The following PCDH10 variants were observed in gnomAD, a reference collection of about 807,000 sequenced individuals.
PCDH10 encodes protocadherin-10.
Under a neutral mutation model 74.4 loss-of-function variants are expected in PCDH10, and 15 were observed. That is an observed-to-expected ratio of 0.20 (90% CI 0.13 to 0.31). The LOEUF is 0.31. Among genes scored for constraint, PCDH10 ranks in the 10% least tolerant of loss-of-function variants. The probability of loss-of-function intolerance (pLI) is 1.00; values close to 1 mark genes in which losing one functional copy is unlikely to be tolerated. For synonymous variants in PCDH10, 619 were observed against 589.8 expected (o/e 1.05, Z -0.72); for missense variants, 1,260 against 1,390.2 (o/e 0.91, Z 1.49).
chr4:133,183,997 C>T (rs1727474032), intron 4 of PCDH10, among the ~76,000 whole-genome samples: 2 of 151,944 alleles, frequency 1.3e-5, no homozygotes, highest in South Asian at 2.1e-4. Flanking sequence ...AATTTAATAA[C>T]TATTAATTGC....
chr4:133,170,033 T>C (rs1727170884), intron 4 of PCDH10, among the ~76,000 whole-genome samples: 1 of 152,060 alleles, frequency 6.6e-6, no homozygotes. Flanking sequence ...TGAGTTTCAA[T>C]AAGACTTCCT....
rs907998326 is a variant in PCDH10, at chr4:133,194,094, A to G, written c.*3934A>G. ...AGATTATAGCATTCTGTATGAATGC[A>G]GGTAGATGGGTGCCGCCAGAGTATT... is the stretch of plus-strand genomic sequence containing the variant. On this transcript the variant is annotated 3_prime_UTR_variant, in exon 5 of 5. Coordinates refer to ENST00000264360, the MANE Select transcript of PCDH10 (RefSeq NM_032961.3). 1 of 151,828 alleles carries G rather than the reference A, an allele frequency of 6.6e-6. No individual in the cohort carries two copies. Among genetic ancestry groups the G allele is most frequent in the Admixed American group, 6.6e-5 (1 of 15,216 alleles). 9.4% of individuals were successfully genotyped at this position (151,828 alleles called of 1,614,324 possible).
At chr4:133,181,458 C>T (rs72715799) in intron 4 of PCDH10, among the ~76,000 whole-genome samples, 21,205 of 151,816 alleles carry the variant, frequency 0.14, 1,769 homozygotes, top group Middle Eastern at 0.22. Flanking sequence ...AAGTAGATGC[C>T]CTGAGGACAG....
chr4:133,151,328 G>A lies in PCDH10; in HGVS notation c.1188G>A (p.Glu396=). The change falls in exon 1 of 5, where the codon GAG becomes GAA. Residue 396 remains glutamate (E), a synonymous_variant. Transcript: ENST00000264360. Reference sequence around the variant, plus strand: ...AGGAGAATGGGCAGGTGCAGTGCGAGCTACTGGGAGACGTGCCTTTCCGCC... The same window carrying A: ...AGGAGAATGGGCAGGTGCAGTGCGAACTACTGGGAGACGTGCCTTTCCGCC... The part of the protein sequence containing the change: ...DSEENGQVQC[E]LLGDVPFRLK... 1 of 1,614,174 alleles carries A rather than the reference G, an allele frequency of 6.2e-7. No homozygotes were observed. The highest frequency in any genetic ancestry group is 8.5e-7 in the Non-Finnish European group (1 of 1,180,026).
intron 3 of PCDH10, among the ~76,000 whole-genome samples, chr4:133,156,846 T>G (rs1342866272): frequency 6.6e-6 from 1 of 152,200 alleles, no homozygotes; most frequent in African/African-American, 2.4e-5. Context: ...GAGCCAAATT[T>G]GGAAGATAGA....
chr4:133,155,060 TTA>T (rs1726836658), intron 3 of PCDH10, 37 bp downstream of exon 3: 4 of 1,371,050 alleles, frequency 2.9e-6, no homozygotes, highest in Middle Eastern at 3.6e-4. Flanking sequence ...ATGCTAACTT[TTA>T]TAGTTTTTGT....
At chr4:133,167,725 A>G (rs550173601) in intron 4 of PCDH10, among the ~76,000 whole-genome samples, 1 of 151,362 alleles carries the variant, frequency 6.6e-6, no homozygotes, top group African/African-American at 2.4e-5. Context: ...ACTCTTTTAT[A>G]TACATACAGA....
intron 4 of PCDH10, among the ~76,000 whole-genome samples, chr4:133,171,805 C>A (rs1389477222): frequency 6.6e-6 from 1 of 152,000 alleles, no homozygotes; most frequent in Non-Finnish European, 1.5e-5. Context: ...CCATTAATAA[C>A]CTAGTTCTGA....
chr4:133,203,206 TATAGAG>T (rs1395820355), intron 2 of PCDH10, among the ~76,000 whole-genome samples: 1 of 152,130 alleles, frequency 6.6e-6, no homozygotes, highest in East Asian at 1.9e-4. Context: ...ATGGCCATGG[TATAGAG>T]ATAGTATAGA....
downstream of PCDH10, among the ~76,000 whole-genome samples, chr4:133,196,423 C>T (rs759056736): frequency 2.6e-5 from 4 of 152,032 alleles, no homozygotes; most frequent in East Asian, 1.9e-4. Context: ...CTGGATGCAC[C>T]GGTTTATCAA....
intron 4 of PCDH10, among the ~76,000 whole-genome samples, chr4:133,171,985 T>C (rs1042901166): frequency 4.6e-5 from 7 of 152,046 alleles, no homozygotes; most frequent in Non-Finnish European, 8.8e-5. Context: ...GACAATATTA[T>C]ACAGAATCTG....
At chr4:133,208,571 G>C (rs1405199687) in exon 3 of PCDH10, 1 of 151,990 alleles carries the variant, frequency 6.6e-6, no homozygotes, top group African/African-American at 2.4e-5. Flanking sequence ...TGATCTACTG[G>C]CTTAAAAAAA....
chr4:133,202,638 A>G (rs1485768357), intron 2 of PCDH10, among the ~76,000 whole-genome samples: 1 of 152,074 alleles, frequency 6.6e-6, no homozygotes, highest in Non-Finnish European at 1.5e-5. Context: ...CAACATATTG[A>G]GAGTTCATGA....
intron 2 of PCDH10, among the ~76,000 whole-genome samples, chr4:133,207,555 A>G (rs1728033733): frequency 6.7e-6 from 1 of 148,268 alleles, no homozygotes; most frequent in African/African-American, 2.4e-5. Context: ...AATTTACACA[A>G]TTATATTTGT....
At chr4:133,200,768 G>C (rs1406395099) in intron 2 of PCDH10, among the ~76,000 whole-genome samples, 1 of 152,026 alleles carries the variant, frequency 6.6e-6, no homozygotes. Context: ...CCTTTCTCTT[G>C]ACTCTGAGTT....
At chr4:133,159,918 C>T (rs535491547) in intron 3 of PCDH10, among the ~76,000 whole-genome samples, 23 of 151,964 alleles carry the variant, frequency 1.5e-4, no homozygotes, top group Admixed American at 7.2e-4. Flanking sequence ...CACAACAAAA[C>T]TTAAATATGC....
rs1470284844 is a variant in PCDH10 at position 133,152,507 on chromosome 4, G to A, written c.2367G>A (p.Leu789=). 1 of 1,614,128 alleles carries A rather than the reference G, an allele frequency of 6.2e-7. No individual in the cohort carries two copies. The highest frequency in any genetic ancestry group is 8.5e-7 in the Non-Finnish European group (1 of 1,180,000). ...AACTCAGCAAGTCAGACATCATGCT[G>A]GTGCAGAGCTCCAATGTACCCAGTA... is the stretch of plus-strand genomic sequence containing the variant. ...KKKLSKSDIM[L]VQSSNVPSNP... is the part of the protein sequence containing the mutation. Residue 789 remains leucine, a synonymous_variant, in exon 1 of 5, where the codon CTG becomes CTA. Coordinates refer to ENST00000264360, the MANE Select transcript of PCDH10 (RefSeq NM_032961.3).
At position 133,192,514 on chromosome 4, in the gene PCDH10, T is replaced by A. The variant is rs1309865922; in HGVS notation, c.*2354T>A. 4 of 151,606 alleles carry A rather than the reference T, an allele frequency of 2.6e-5. No homozygotes were observed. The highest frequency in any genetic ancestry group is 4.8e-5 in the African/African-American group (2 of 41,418). 9.4% of individuals were successfully genotyped at this position (151,606 alleles called of 1,614,324 possible). ...CTCAAAGACATTTTCTTTAATTATT[T>A]AACCTTTTATATCATTGTATATAAT... On this transcript the variant is annotated 3_prime_UTR_variant, in exon 5 of 5. Coordinates refer to ENST00000264360, the MANE Select transcript of PCDH10 (RefSeq NM_032961.3).
chr4:133,154,433 T>C, intron 2 of PCDH10, 68 bp downstream of exon 2: 1 of 835,706 alleles, frequency 1.2e-6, no homozygotes, highest in South Asian at 1.7e-5. Flanking sequence ...GAAGTAGGTA[T>C]ATTATTCTAA....
Sources: gnomAD v4.1 joint callset for allele counts (sites outside exome capture counted in the v4.1 genomes callset) on GRCh38, gnomAD v4.1.1 for gene constraint, MANE v1.5 for transcripts, NCBI Gene and HGNC (gene_info 2026-07-23, HGNC 2026-07-21) for gene names.